TACR3: variants seen among roughly 807,000 people sequenced by gnomAD.
The protein encoded by TACR3 is neuromedin-K receptor.
TACR3 carries 34 observed loss-of-function variants against 35.0 expected under a neutral mutation model. The observed-to-expected ratio is 0.97, with a 90% confidence interval of 0.74 to 1.30. The LOEUF is 1.30. Among genes scored for constraint, TACR3 ranks in the 50% most tolerant of loss-of-function variants. TACR3 has a pLI of 0.00. For missense variants in TACR3, 558 were observed against 591.7 expected (o/e 0.94, Z 0.59); for synonymous variants, 233 against 221.1 (o/e 1.05, Z -0.48).
chr4:103,614,884 G>GTTTTTTTTTTT lies in TACR3; in HGVS notation c.889-23212_889-23202dup, dbSNP rs71580414. Among the ~76,000 whole-genome samples, 80 of 72,060 alleles carry GTTTTTTTTTTT rather than the reference G, an allele frequency of 1.1e-3. 10 individuals carry two copies. Among genetic ancestry groups the GTTTTTTTTTTT allele is most frequent in the African/African-American group, 1.9e-3 (32 of 16,632 alleles). 47.3% of individuals were successfully genotyped at this position (72,060 alleles called of 152,430 possible). Reference sequence around the variant, plus strand: ...TATAACCTAAGTTGATTATGAATGTGTTTTTTTTTTTTTTTTTTTTTTTTT... The same window carrying GTTTTTTTTTTT: ...TATAACCTAAGTTGATTATGAATGTGTTTTTTTTTTTTTTTTTTTTTTTTTTTTTTTTTTTT... On this transcript the variant is annotated intron_variant, in intron 3 of 4. Transcript: ENST00000304883.
intron 1 of TACR3, among the ~76,000 whole-genome samples, chr4:103,692,788 T>G (rs1722434685): frequency 6.6e-6 from 1 of 152,174 alleles, no homozygotes; most frequent in South Asian, 2.1e-4. Flanking sequence ...AATGAATACA[T>G]ATAGTAAACC....
chr4:103,657,744 G>A (rs1182899842), intron 2 of TACR3, among the ~76,000 whole-genome samples: 1 of 151,820 alleles, frequency 6.6e-6, no homozygotes, highest in Non-Finnish European at 1.5e-5. Flanking sequence ...TAGTGTTCAG[G>A]TTTTTTAATG....
intron 3 of TACR3, among the ~76,000 whole-genome samples, chr4:103,599,478 C>T (rs180884314): frequency 1.3e-5 from 2 of 152,172 alleles, no homozygotes; most frequent in African/African-American, 2.4e-5. Context: ...CTGGCCAGAA[C>T]TTCCAACACT....
chr4:103,705,090 G>GT (rs1208731827), intron 1 of TACR3, among the ~76,000 whole-genome samples: 1 of 151,824 alleles, frequency 6.6e-6, no homozygotes. Context: ...TTAAATATGA[G>GT]TTTTTATTAA....
At chr4:103,645,639 A>G (rs1315528782) in intron 3 of TACR3, among the ~76,000 whole-genome samples, 3 of 151,992 alleles carry the variant, frequency 2.0e-5, no homozygotes. Context: ...AAAAAAGGAG[A>G]ATCAGACATT....
At chr4:103,599,406 A>C (rs1560800828) in intron 3 of TACR3, among the ~76,000 whole-genome samples, 1 of 152,200 alleles carries the variant, frequency 6.6e-6, no homozygotes, top group Non-Finnish European at 1.5e-5. Flanking sequence ...GCAAACAGAG[A>C]CAATTTGACT....
At chr4:103,650,772 A>AAT (rs1322506886) in intron 3 of TACR3, among the ~76,000 whole-genome samples, 4 of 82,240 alleles carry the variant, frequency 4.9e-5, no homozygotes, top group African/African-American at 2.0e-4. Flanking sequence ...TGATGTATAT[A>AAT]ATATATATTA....
chr4:103,614,864 C>A (rs1724599011), intron 3 of TACR3, among the ~76,000 whole-genome samples: 1 of 143,936 alleles, frequency 6.9e-6, no homozygotes, highest in South Asian at 2.2e-4. Flanking sequence ...AGCACTATAA[C>A]CTAAGTTGAT....
intron 3 of TACR3, among the ~76,000 whole-genome samples, chr4:103,639,372 A>T (rs1725291429): frequency 6.6e-6 from 1 of 152,036 alleles, no homozygotes; most frequent in Non-Finnish European, 1.5e-5. Flanking sequence ...GTTCTCACTC[A>T]TAGGTGGGAG....
At chr4:103,696,454 A>G (rs1468461252) in intron 1 of TACR3, among the ~76,000 whole-genome samples, 2 of 152,192 alleles carry the variant, frequency 1.3e-5, no homozygotes, top group African/African-American at 4.8e-5. Context: ...AGTATCACAA[A>G]TAGTTTGAAC....
intron 1 of TACR3, among the ~76,000 whole-genome samples, chr4:103,699,898 G>A (rs189134517): frequency 5.1e-4 from 78 of 152,134 alleles, no homozygotes; most frequent in Middle Eastern, 3.4e-3. Flanking sequence ...GGAGGCTGTC[G>A]TATTTAAAAC....
At chr4:103,681,735 AC>A (rs11347017) in intron 1 of TACR3, among the ~76,000 whole-genome samples, 18,044 of 152,100 alleles carry the variant, frequency 0.12, 1,471 homozygotes, top group East Asian at 0.43. Context: ...ACATAGAAAA[AC>A]TAAATAACTC....
intron 3 of TACR3, among the ~76,000 whole-genome samples, chr4:103,655,243 C>T (rs942161402): frequency 2.6e-5 from 4 of 151,952 alleles, no homozygotes; most frequent in Non-Finnish European, 2.9e-5. Context: ...TTTTTAAAAC[C>T]TGATTGATCA....
At chr4:103,596,334 C>G (rs1724015647) in intron 3 of TACR3, among the ~76,000 whole-genome samples, 1 of 151,944 alleles carries the variant, frequency 6.6e-6, no homozygotes, top group Non-Finnish European at 1.5e-5. Flanking sequence ...ACACTGACTT[C>G]CACAATGGTT....
chr4:103,599,384 A>T (rs1724131945), intron 3 of TACR3, among the ~76,000 whole-genome samples: 1 of 152,188 alleles, frequency 6.6e-6, no homozygotes, highest in African/African-American at 2.4e-5. Flanking sequence ...TAGATACACA[A>T]TCATGTCATC....
At chr4:103,706,903 T>C (rs1226501142) in intron 1 of TACR3, among the ~76,000 whole-genome samples, 1 of 152,204 alleles carries the variant, frequency 6.6e-6, no homozygotes, top group Non-Finnish European at 1.5e-5. Context: ...TCCCAAGCTA[T>C]ATCCAAAGTT....
At chr4:103,610,774 A>G (rs535816164) in intron 3 of TACR3, among the ~76,000 whole-genome samples, 1 of 152,110 alleles carries the variant, frequency 6.6e-6, no homozygotes, top group Admixed American at 6.5e-5. Context: ...TTACATTTAT[A>G]TCTTTAATCC....
At position 103,588,497 on chromosome 4, in the gene TACR3, T is replaced by G. The variant is rs2110281306; in HGVS notation, c.*1185A>C. 6.6e-6 allele frequency: 1 copy of G among 152,274 alleles called. No homozygotes were observed. The highest frequency in any genetic ancestry group is 3.4e-3 in the Middle Eastern group (1 of 294). 9.4% of individuals were successfully genotyped at this position (152,274 alleles called of 1,614,324 possible). On this transcript the variant is annotated 3_prime_UTR_variant, in exon 5 of 5. Coordinates refer to ENST00000304883, the MANE Select transcript of TACR3 (RefSeq NM_001059.3). The stretch of plus-strand genomic sequence containing the variant: ...AAATGTGATGCTTTCTTAGGACTAT[T>G]ATCTCATTTCTTTCTGGTAAGACTT...
At position 103,647,758 on chromosome 4, in the gene TACR3, C is replaced by T. The variant is rs565815921; in HGVS notation, c.888+8436G>A. On this transcript the variant is annotated intron_variant, in intron 3 of 4. Coordinates refer to ENST00000304883, the MANE Select transcript of TACR3 (RefSeq NM_001059.3). The stretch of plus-strand genomic sequence containing the variant: ...AAGGAAACATTTTTAAAGCTATCAG[C>T]TTATTTCTCAAGGGTAATATTCAGT... Among the ~76,000 whole-genome samples the T allele has an allele frequency of 5.6e-4, 85 of 152,014 alleles. 1 individual carries two copies. The highest frequency in any genetic ancestry group is 2.0e-3 in the African/African-American group (81 of 41,508).
Sources: allele counts gnomAD v4.1 joint callset (sites outside exome capture counted in the v4.1 genomes callset), GRCh38; gene constraint gnomAD v4.1.1; transcripts MANE v1.5; gene names NCBI Gene and HGNC (gene_info 2026-07-23, HGNC 2026-07-21).